The following IGFL4 variants were observed in gnomAD, a reference collection of about 807,000 sequenced individuals.
IGFL4 encodes IGF like family member 4.
IGFL4 carries 12 observed loss-of-function variants against 15.4 expected under a neutral mutation model. The observed-to-expected ratio is 0.78, with a 90% CI of 0.50 to 1.26. The LOEUF is 1.26. IGFL4 is among the 50% of genes most tolerant of loss of function. IGFL4 has a pLI of 0.00. For synonymous variants in IGFL4, 54 were observed against 55.9 expected (o/e 0.97, Z 0.16); for missense variants, 126 against 147.8 (o/e 0.85, Z 0.76).
At chr19:46,056,622 T>C (rs1454385801) in intron 2 of IGFL4, among the ~76,000 whole-genome samples, 1 of 152,196 alleles carries the variant, frequency 6.6e-6, no homozygotes, top group African/African-American at 2.4e-5. Flanking sequence ...AATTGTTGGA[T>C]GCTTGCCAGC....
At chr19:46,047,919 G>A (rs778700022) in intron 2 of IGFL4, among the ~76,000 whole-genome samples, 1 of 152,170 alleles carries the variant, frequency 6.6e-6, no homozygotes, top group Non-Finnish European at 1.5e-5. Flanking sequence ...TTCATCCTAT[G>A]AGCCCAGCAT....
chr19:46,061,131 T>G (rs1456804920), intron 1 of IGFL4, among the ~76,000 whole-genome samples: 1 of 152,212 alleles, frequency 6.6e-6, no homozygotes, highest in African/African-American at 2.4e-5. Context: ...AAACCTTTCA[T>G]AACTTGCTTA....
rs370628005 is a variant in IGFL4 at position 46,040,235 on chromosome 19, G to A, written c.252C>T (p.Asn84=). ...HCCLESLGSQ[N]QTVVRFKVPG... The stretch of plus-strand genomic sequence containing the variant: ...GGACCTTGAACCTCACAACTGTCTG[G>A]TTCTGAGAGCCCAAAGACTCCAGGC... The change falls in exon 3 of 4, where the codon AAC becomes AAT. Residue 84 remains asparagine, a synonymous_variant. Coordinates refer to ENST00000377697, the MANE Select transcript of IGFL4 (RefSeq NM_001002923.3). The surrounding 1 kb of genome is among the most constrained non-coding windows in gnomAD (Gnocchi z 4.1). 3.1e-6 allele frequency: 5 copies of A among 1,614,170 alleles called. No homozygotes were observed. In the East Asian group the frequency reaches 6.7e-5, roughly 22 times the overall value.
upstream of IGFL4, among the ~76,000 whole-genome samples, chr19:46,041,685 C>T (rs982060097): frequency 2.0e-5 from 3 of 151,436 alleles, no homozygotes; most frequent in Admixed American, 6.6e-5. Flanking sequence ...ATTTTTAGAG[C>T]ATGCCCCTCC....
chr19:46,070,160 C>G (rs1969532223), intron 1 of IGFL4, among the ~76,000 whole-genome samples: 1 of 133,210 alleles, frequency 7.5e-6, no homozygotes, highest in Admixed American at 7.5e-5. Flanking sequence ...TTTTTTTTTG[C>G]CTTATCTCCT....
Position 46,068,071 on chromosome 19 carries a change from G to C in IGFL4, c.-431-7778C>G, listed in dbSNP as rs534249814. ...TCCCTGCCATGCTCCAGGCTGAAGC[G>C]GGGAGAGAGCAGCAGAAAAGGAATT... On this transcript the variant is annotated intron_variant, in intron 1 of 5. Coordinates refer to the IGFL4 transcript ENST00000601672. 3.3e-5 allele frequency among the ~76,000 whole-genome samples: 5 copies of C among 152,310 alleles called. No individual in the cohort carries two copies. The South Asian group carries it at 1.0e-3, about 32-fold the overall frequency.
upstream of IGFL4, among the ~76,000 whole-genome samples, chr19:46,045,565 G>A (rs1969290885): frequency 6.6e-6 from 1 of 151,960 alleles, no homozygotes; most frequent in African/African-American, 2.4e-5. Context: ...AGAATAGCCA[G>A]TTTAGAGAGG....
intron 3 of IGFL4, 40 bp from the exon 4 acceptor site, chr19:46,039,976 G>GGGT (rs774673103): frequency 1.3e-4 from 207 of 1,578,948 alleles, no homozygotes; most frequent in Non-Finnish European, 1.7e-4. Context: ...ATAAGAGGGA[G>GGGT]GGTGGTAGCA....
At chr19:46,075,138 T>C (rs1600681667) in intron 1 of IGFL4, among the ~76,000 whole-genome samples, 1 of 152,224 alleles carries the variant, frequency 6.6e-6, no homozygotes, top group Non-Finnish European at 1.5e-5. Flanking sequence ...GAAGCTAGTA[T>C]AAAAAGCTTC....
At position 46,039,803 on chromosome 19, in the gene IGFL4, C is replaced by T; in HGVS notation, c.*89G>A. 8 of 1,196,048 alleles carry T rather than the reference C, an allele frequency of 6.7e-6. No individual in the cohort carries two copies. The highest frequency in any genetic ancestry group is 1.0e-5 in the Non-Finnish European group (8 of 801,636). 74.1% of individuals were successfully genotyped at this position (1,196,048 alleles called of 1,614,324 possible). A position where few individuals can be genotyped will look rare whatever the true frequency, so the allele number is the denominator to read the frequency against. On this transcript the variant is annotated 3_prime_UTR_variant, in exon 4 of 4. Coordinates refer to ENST00000377697, the MANE Select transcript of IGFL4 (RefSeq NM_001002923.3). ...CTCCAGCCTGGGGGACAGAGTGAAACTCTGTCACAACAACAACAAAATCAA... is the reference window on the plus strand; with the variant it reads ...CTCCAGCCTGGGGGACAGAGTGAAATTCTGTCACAACAACAACAAAATCAA...
In IGFL4 at chr19:46,040,494, C is replaced by T; in HGVS notation, c.70+24G>A. On this transcript the variant is annotated intron_variant, in intron 2 of 3. Coordinates refer to ENST00000377697, the MANE Select transcript of IGFL4 (RefSeq NM_001002923.3). The surrounding 1 kb of genome is among the most constrained non-coding windows in gnomAD (Gnocchi z 4.1). ...CCACCAACCTTAATGCTGTTCTCTC[C>T]TCCCTCACTGCATCTGTTCTCACCT... 6.2e-7 allele frequency: 1 copy of T among 1,614,134 alleles called. No individual in the cohort carries two copies. The highest frequency in any genetic ancestry group is 8.5e-7 in the Non-Finnish European group (1 of 1,179,964).
chr19:46,066,644 C>T (rs898443327), intron 1 of IGFL4, among the ~76,000 whole-genome samples: 3 of 152,162 alleles, frequency 2.0e-5, no homozygotes, highest in African/African-American at 4.8e-5. Flanking sequence ...GAATGTGAAG[C>T]AGGAGCAAGC....
At chr19:46,043,065 C>G (rs529514963), upstream of IGFL4, among the ~76,000 whole-genome samples, 46 of 152,164 alleles carry the variant, frequency 3.0e-4, no homozygotes, top group Non-Finnish European at 5.9e-4. Flanking sequence ...ACCCCCAAAG[C>G]TCCGGGAACT....
upstream of IGFL4, among the ~76,000 whole-genome samples, chr19:46,045,890 A>G (rs188720975): frequency 2.0e-4 from 30 of 152,332 alleles, 1 homozygote; most frequent in East Asian, 3.9e-3. Context: ...ACAGGCCAAC[A>G]TTCAAATTCA....
At chr19:46,049,839 C>T (rs1844168764) in intron 2 of IGFL4, among the ~76,000 whole-genome samples, 1 of 152,216 alleles carries the variant, frequency 6.6e-6, no homozygotes. Context: ...AGCGCCACCT[C>T]CTGGCTGGAG....
upstream of IGFL4, among the ~76,000 whole-genome samples, chr19:46,042,815 T>A (rs941623513): frequency 1.3e-5 from 2 of 152,156 alleles, no homozygotes; most frequent in Non-Finnish European, 2.9e-5. Context: ...GCCTCATCCC[T>A]CCCTAGAAGC....
intron 2 of IGFL4, among the ~76,000 whole-genome samples, chr19:46,053,314 G>A (rs56116425): frequency 0.18 from 26,993 of 151,982 alleles, 2,624 homozygotes; most frequent in Middle Eastern, 0.22. Context: ...TCCCAGGTTC[G>A]AGTGATTCTC....
chr19:46,076,509 C>T (rs1206554521), intron 1 of IGFL4, among the ~76,000 whole-genome samples: 3 of 151,968 alleles, frequency 2.0e-5, no homozygotes, highest in Non-Finnish European at 4.4e-5. Flanking sequence ...CTAGAATGTG[C>T]CATTTCTCCA....
intron 2 of IGFL4, among the ~76,000 whole-genome samples, chr19:46,049,410 T>C (rs1413570061): frequency 1.3e-5 from 2 of 152,146 alleles, no homozygotes; most frequent in African/African-American, 4.8e-5. Flanking sequence ...GGAAATAAAC[T>C]TGGTGCTGTT....
Sources: gnomAD v4.1 joint callset for allele counts (sites outside exome capture counted in the v4.1 genomes callset) on GRCh38, gnomAD v4.1.1 for gene constraint, Gnocchi (gnomAD v3.1) non-coding constraint, MANE v1.5 for transcripts, NCBI Gene and HGNC (gene_info 2026-07-23, HGNC 2026-07-21) for gene names.